The following LDLRAD4 variants were observed in gnomAD, a reference collection of about 807,000 sequenced individuals.
The protein encoded by LDLRAD4 is low-density lipoprotein receptor class A domain-containing protein 4.
Under a neutral mutation model 17.0 loss-of-function variants are expected in LDLRAD4, and 5 were observed. The observed-to-expected ratio is 0.29, with a 90% CI of 0.15 to 0.62. The LOEUF is 0.62. Among genes scored for constraint, LDLRAD4 ranks in the 20% least tolerant of loss-of-function variants. The pLI is 0.84. For missense variants in LDLRAD4, 340 were observed against 424.7 expected (o/e 0.80, Z 1.75); for synonymous variants, 168 against 171.8 (o/e 0.98, Z 0.17).
chr18:13,533,634 T>C (rs1490670409), intron 3 of LDLRAD4, among the ~76,000 whole-genome samples: 2 of 152,244 alleles, frequency 1.3e-5, no homozygotes, highest in East Asian at 1.9e-4. Flanking sequence ...GATTATGTAC[T>C]GAATCTTACC....
At chr18:13,496,995 C>T (rs1326168504) in intron 3 of LDLRAD4, among the ~76,000 whole-genome samples, 5 of 152,148 alleles carry the variant, frequency 3.3e-5, no homozygotes, top group Non-Finnish European at 5.9e-5. Flanking sequence ...AAGAAATGCG[C>T]ATGTATTCAA....
intron 3 of LDLRAD4, among the ~76,000 whole-genome samples, chr18:13,475,419 C>A (rs944780850): frequency 1.4e-5 from 2 of 139,190 alleles, no homozygotes; most frequent in Non-Finnish European, 3.1e-5. Flanking sequence ...CGCCACCACA[C>A]CCCGCTGATT....
intron 2 of LDLRAD4, among the ~76,000 whole-genome samples, chr18:13,425,331 A>G (rs1278615905): frequency 6.6e-5 from 10 of 152,062 alleles, no homozygotes; most frequent in Non-Finnish European, 1.0e-4. Context: ...ACTTGCTTTC[A>G]TTTATATTTT....
chr18:13,330,764 A>G (rs2081815841), intron 1 of LDLRAD4, among the ~76,000 whole-genome samples: 1 of 152,210 alleles, frequency 6.6e-6, no homozygotes, highest in African/African-American at 2.4e-5. Flanking sequence ...GTCACCAGAA[A>G]GACCAAGGCA....
upstream of LDLRAD4, among the ~76,000 whole-genome samples, chr18:13,275,588 CTT>C (rs1157518428): frequency 2.1e-4 from 32 of 152,130 alleles, no homozygotes; most frequent in African/African-American, 7.7e-4. Flanking sequence ...TCAATAATAA[CTT>C]AATTATATAT....
In LDLRAD4 at chr18:13,382,912, C is replaced by T. The variant is rs149745023; in HGVS notation, c.-382-4429C>T. On this transcript the variant is annotated intron_variant, in intron 1 of 5. Transcript: ENST00000359446. ...CAGTTCTTGCGCCTCCATGGGGCAGCGCTTGCTCTCTCTCTGTAGCCTGAG... is the reference window on the plus strand; with the variant it reads ...CAGTTCTTGCGCCTCCATGGGGCAGTGCTTGCTCTCTCTCTGTAGCCTGAG... 4.3e-3 allele frequency among the ~76,000 whole-genome samples: 648 copies of T among 152,374 alleles called. 3 individuals carry two copies. Among genetic ancestry groups the T allele is most frequent in the African/African-American group, 0.015 (620 of 41,588 alleles).
intron 3 of LDLRAD4, among the ~76,000 whole-genome samples, chr18:13,448,049 A>C (rs1271848894): frequency 6.6e-6 from 1 of 152,202 alleles, no homozygotes; most frequent in East Asian, 1.9e-4. Flanking sequence ...GATCAATTTT[A>C]GTGCAAACTT....
intron 3 of LDLRAD4, among the ~76,000 whole-genome samples, chr18:13,468,495 AC>A (rs1455585593): frequency 1.3e-5 from 2 of 152,208 alleles, no homozygotes; most frequent in South Asian, 2.1e-4. Context: ...CAATCCCATT[AC>A]TGGGTGTATA....
chr18:13,564,525 C>T (rs1400221883), intron 3 of LDLRAD4, among the ~76,000 whole-genome samples: 1 of 144,696 alleles, frequency 6.9e-6, no homozygotes, highest in Non-Finnish European at 1.5e-5. Flanking sequence ...ACCTGCTCTC[C>T]TTGGTTTTTC....
chr18:13,493,275 T>TG (rs1323996726), intron 3 of LDLRAD4, among the ~76,000 whole-genome samples: 1 of 152,236 alleles, frequency 6.6e-6, no homozygotes, highest in Non-Finnish European at 1.5e-5. Context: ...AAGGCCAGGC[T>TG]GACACCCTGG....
rs766038955 is a variant in LDLRAD4 at position 13,466,746 on chromosome 18, C to T, written c.181+28362C>T. ...GTTTATTTCTCATTGTTCTGGAGGT[C>T]GGAAGTCTGAGATCGGGGCACCACC... is the stretch of plus-strand genomic sequence containing the variant. On this transcript the variant is annotated intron_variant, in intron 3 of 5. Coordinates refer to ENST00000359446, the Ensembl canonical transcript of LDLRAD4. Among the ~76,000 whole-genome samples the T allele has an allele frequency of 7.1e-4, 108 of 152,138 alleles. 1 individual carries two copies. The highest frequency in any genetic ancestry group is 1.3e-3 in the Non-Finnish European group (91 of 68,020).
chr18:13,233,370 G>A (rs993391572), intron 1 of LDLRAD4, among the ~76,000 whole-genome samples: 3 of 152,144 alleles, frequency 2.0e-5, no homozygotes, highest in East Asian at 1.9e-4. Flanking sequence ...TTGGCAGAGG[G>A]GCCCACTGCT....
chr18:13,333,356 A>G (rs2081960248), intron 1 of LDLRAD4, among the ~76,000 whole-genome samples: 2 of 152,168 alleles, frequency 1.3e-5, no homozygotes, highest in African/African-American at 4.8e-5. Flanking sequence ...TTTTCCCAGT[A>G]TGTGGCTTGT....
chr18:13,267,706 G>A lies in LDLRAD4; in HGVS notation c.-466-10399G>A, dbSNP rs150492050. Among the ~76,000 whole-genome samples the A allele has an allele frequency of 3.7e-3, 560 of 152,304 alleles. 8 individuals are homozygous for A. Among genetic ancestry groups the A allele is most frequent in the African/African-American group, 0.013 (524 of 41,556 alleles). On this transcript the variant is annotated intron_variant, in intron 1 of 5. Transcript: ENST00000399848. ...CTTTTCTGGAAGGTTTCAGCCAGAG[G>A]CTGGGGCCCCGCATTCTGGCTGGCT... is the stretch of plus-strand genomic sequence containing the variant.
chr18:13,399,656 A>AT (rs1257323542), intron 2 of LDLRAD4, among the ~76,000 whole-genome samples: 1 of 152,236 alleles, frequency 6.6e-6, no homozygotes, highest in East Asian at 1.9e-4. Flanking sequence ...TGGGCGTCCC[A>AT]TTTGCCAGTG....
chr18:13,368,527 C>G (rs78132504), intron 1 of LDLRAD4, among the ~76,000 whole-genome samples: 3 of 152,284 alleles, frequency 2.0e-5, no homozygotes, highest in East Asian at 1.9e-4. Flanking sequence ...GCTTTCCCAC[C>G]GAAAGCAACT....
At chr18:13,396,548 A>G (rs1157209355) in intron 2 of LDLRAD4, among the ~76,000 whole-genome samples, 3 of 152,256 alleles carry the variant, frequency 2.0e-5, no homozygotes, top group East Asian at 3.8e-4. Context: ...CAGTGGCGCC[A>G]TCGTAGCTCA....
chr18:13,301,642 C>G (rs1345157794), intron 1 of LDLRAD4, among the ~76,000 whole-genome samples: 1 of 152,102 alleles, frequency 6.6e-6, no homozygotes, highest in Non-Finnish European at 1.5e-5. Flanking sequence ...TTCTGTCATG[C>G]TCATGCACTC....
chr18:13,546,705 T>C (rs1330992131), intron 3 of LDLRAD4, among the ~76,000 whole-genome samples: 1 of 152,126 alleles, frequency 6.6e-6, no homozygotes, highest in Non-Finnish European at 1.5e-5. Flanking sequence ...TCATGCAAGC[T>C]CATTAGGCCT....
Sources: gnomAD v4.1 joint callset for allele counts (sites outside exome capture counted in the v4.1 genomes callset) on GRCh38, gnomAD v4.1.1 for gene constraint, MANE v1.5 for transcripts, NCBI Gene and HGNC (gene_info 2026-07-23, HGNC 2026-07-21) for gene names.